WDR7: variants seen among roughly 807,000 people sequenced by gnomAD.
WDR7 encodes WD repeat domain 7.
A neutral mutation model predicts 169.4 loss-of-function variants in WDR7; 46 were observed. That is an observed-to-expected ratio of 0.27 (90% CI 0.21 to 0.35). The LOEUF is 0.35. Ranked by LOEUF, WDR7 falls within the 10% of genes least tolerant of loss-of-function variation. The pLI is 1.00. For synonymous variants in WDR7, 612 were observed against 666.8 expected, an observed-to-expected ratio of 0.92 and a Z score of 1.27; for missense variants, 1,534 against 1,859.3, an observed-to-expected ratio of 0.83 and a Z score of 3.22.
chr18:56,918,850 T>G (rs1323810701), intron 21 of WDR7, among the ~76,000 whole-genome samples: 1 of 152,230 alleles, frequency 6.6e-6, no homozygotes, highest in African/African-American at 2.4e-5. Context: ...ATTAAGTTCT[T>G]ATTGAGTATA....
chr18:56,908,998 A>G (rs2046517517), intron 21 of WDR7, among the ~76,000 whole-genome samples: 1 of 152,182 alleles, frequency 6.6e-6, no homozygotes. Context: ...TTATCTGTAC[A>G]TATGTACAGG....
At chr18:56,659,791 A>G (rs2024865379) in intron 1 of WDR7, among the ~76,000 whole-genome samples, 1 of 152,122 alleles carries the variant, frequency 6.6e-6, no homozygotes, top group Non-Finnish European at 1.5e-5. Flanking sequence ...TTGTATGTAG[A>G]GTTGGCTTTT....
intron 26 of WDR7, among the ~76,000 whole-genome samples, chr18:56,994,551 T>G (rs1000729897): frequency 3.3e-5 from 5 of 152,232 alleles, no homozygotes; most frequent in Non-Finnish European, 7.3e-5. Flanking sequence ...TCTTTTTGTG[T>G]GTTTTCTCTC....
chr18:56,767,079 T>C (rs981428713), intron 16 of WDR7, among the ~76,000 whole-genome samples: 2 of 152,200 alleles, frequency 1.3e-5, no homozygotes, highest in Admixed American at 1.3e-4. Context: ...CTTTTATGAC[T>C]TGTTAGGTGG....
At chr18:56,680,851 GT>G (rs1206186150) in intron 3 of WDR7, among the ~76,000 whole-genome samples, 1 of 152,162 alleles carries the variant, frequency 6.6e-6, no homozygotes, top group Non-Finnish European at 1.5e-5. Flanking sequence ...TAAAATCTCA[GT>G]AGTTTAAATT....
chr18:56,707,685 A>AG (rs911166615), intron 12 of WDR7, among the ~76,000 whole-genome samples: 7 of 152,108 alleles, frequency 4.6e-5, no homozygotes, highest in African/African-American at 1.7e-4. Flanking sequence ...CAGATGATCA[A>AG]GGGGGAGGTT....
intron 19 of WDR7, among the ~76,000 whole-genome samples, chr18:56,797,153 G>A (rs933235468): frequency 2.0e-5 from 3 of 152,164 alleles, no homozygotes; most frequent in African/African-American, 7.2e-5. Context: ...TTGGTATTAC[G>A]TGTTTGAATC....
At chr18:56,953,992 A>G (rs914589761) in intron 25 of WDR7, among the ~76,000 whole-genome samples, 7 of 152,210 alleles carry the variant, frequency 4.6e-5, no homozygotes, top group South Asian at 2.1e-4. Flanking sequence ...CTCAAGCACT[A>G]TGTGCATAGA....
chr18:56,904,074 A>ATT (rs11372701), intron 21 of WDR7, among the ~76,000 whole-genome samples: 4,099 of 148,140 alleles, frequency 0.028, 77 homozygotes, highest in Middle Eastern at 0.042. Context: ...GCTCAAAATA[A>ATT]TTTTTTTTTT....
chr18:57,033,842 AAG>A (rs200950274), downstream of WDR7: 742 of 152,332 alleles, frequency 4.9e-3, 6 homozygotes, highest in African/African-American at 0.017. Context: ...TGGGTCAGGA[AAG>A]AGGTTTAAAG....
intron 21 of WDR7, among the ~76,000 whole-genome samples, chr18:56,903,176 G>A (rs1372312952): frequency 1.3e-5 from 2 of 152,094 alleles, no homozygotes; most frequent in African/African-American, 4.8e-5. Context: ...ATCAACCGTT[G>A]AGGTTTTGCA....
At chr18:56,905,402 G>A (rs1478085662) in intron 21 of WDR7, among the ~76,000 whole-genome samples, 1 of 152,094 alleles carries the variant, frequency 6.6e-6, no homozygotes, top group Non-Finnish European at 1.5e-5. Context: ...GCCCACCTCA[G>A]CCTCCCAAAG....
chr18:56,907,905 A>G (rs995193696), intron 21 of WDR7, among the ~76,000 whole-genome samples: 4 of 152,178 alleles, frequency 2.6e-5, no homozygotes, highest in Admixed American at 6.5e-5. Context: ...TTGGGAGGCT[A>G]CAAACATGCA....
At chr18:56,714,677 G>A (rs375977257) in intron 12 of WDR7, among the ~76,000 whole-genome samples, 24 of 152,142 alleles carry the variant, frequency 1.6e-4, no homozygotes, top group African/African-American at 5.3e-4. Context: ...ACCTCCCAAA[G>A]TGCTGGTATT....
chr18:56,852,979 A>G (rs1599101538), intron 20 of WDR7, among the ~76,000 whole-genome samples: 1 of 152,202 alleles, frequency 6.6e-6, no homozygotes, highest in Non-Finnish European at 1.5e-5. Flanking sequence ...ATGCAAATAG[A>G]TTTAGGTTTA....
At position 56,756,614 on chromosome 18, in the gene WDR7, T is replaced by C. The variant is rs767035497; in HGVS notation, c.2021T>C (p.Leu674Pro). ...TTACCTAAATATTCTCATAACTCCC[T>C]GATGGTTCAAGCAATAAAGACAAAC... ...GNLPKYSHNS[L>P]MVQAIKTNLT... is the part of the protein sequence containing the mutation. The change falls in exon 15 of 28, where the codon CTG becomes CCG. Residue 674 changes from leucine (L) to proline (P), a missense_variant. Transcript: ENST00000254442. 1 of 1,609,506 alleles carries C rather than the reference T, an allele frequency of 6.2e-7. No individual in the cohort carries two copies. The highest frequency in any genetic ancestry group is 8.5e-7 in the Non-Finnish European group (1 of 1,178,558).
intron 25 of WDR7, among the ~76,000 whole-genome samples, chr18:56,952,319 T>C (rs1340233341): frequency 6.6e-6 from 1 of 152,220 alleles, no homozygotes; most frequent in African/African-American, 2.4e-5. Context: ...AAGGGGCTCT[T>C]GTGCCTGCTA....
rs532006175 is a variant in WDR7 at position 56,693,258 on chromosome 18, G to A, written c.967-1361G>A. Among the ~76,000 whole-genome samples, 3 of 152,228 alleles carry A rather than the reference G, an allele frequency of 2.0e-5. 1 individual carries two copies. The South Asian group carries it at 6.2e-4, about 32-fold the overall frequency. On this transcript the variant is annotated intron_variant, in intron 9 of 27. Transcript: ENST00000254442. ...ATATTGCTTTTCAGGCTAAGATTCT[G>A]TTCTTTAATATTCCAGTATTTGTGA...
chr18:56,983,556 A>AAC (rs957476086), intron 26 of WDR7, among the ~76,000 whole-genome samples: 20 of 87,986 alleles, frequency 2.3e-4, no homozygotes, highest in South Asian at 6.5e-4. Context: ...TATTTCAATA[A>AAC]ACACACACAC....
Sources: allele counts gnomAD v4.1 joint callset (sites outside exome capture counted in the v4.1 genomes callset), GRCh38; gene constraint gnomAD v4.1.1; transcripts MANE v1.5; gene names NCBI Gene and HGNC (gene_info 2026-07-23, HGNC 2026-07-21).